SUGCT: variants seen among roughly 807,000 people sequenced by gnomAD.
The protein encoded by SUGCT is succinyl-CoA:glutarate CoA-transferase.
SUGCT carries 41 observed loss-of-function variants against 55.0 expected under a neutral mutation model. That is an observed-to-expected ratio of 0.74 (90% CI 0.58 to 0.97). The LOEUF is 0.97. Ranked by LOEUF, SUGCT falls within the 50% of genes least tolerant of loss-of-function variation. The pLI, the probability that SUGCT is intolerant of heterozygous loss-of-function variation, is 0.00. For missense variants in SUGCT, 568 were observed against 547.8 expected (o/e 1.04, Z -0.37); for synonymous variants, 187 against 200.4 (o/e 0.93, Z 0.56).
chr7:40,650,677 A>G (rs73310238), intron 12 of SUGCT, among the ~76,000 whole-genome samples: 11,789 of 152,232 alleles, frequency 0.077, 509 homozygotes, highest in Middle Eastern at 0.11. Context: ...TTGTTGCCTC[A>G]TATTGCAGAA....
chr7:40,445,880 C>A (rs879508373), intron 9 of SUGCT, among the ~76,000 whole-genome samples: 1 of 152,088 alleles, frequency 6.6e-6, no homozygotes, highest in Non-Finnish European at 1.5e-5. Flanking sequence ...ATTTGATAAT[C>A]TTTAGGCTGA....
chr7:40,674,517 T>A (rs2151875755), intron 12 of SUGCT, among the ~76,000 whole-genome samples: 1 of 152,268 alleles, frequency 6.6e-6, no homozygotes, highest in African/African-American at 2.4e-5. Context: ...ATTTAACAGC[T>A]ACAGAGGAAT....
chr7:40,339,079 A>T (rs576719631), intron 9 of SUGCT, among the ~76,000 whole-genome samples: 18 of 152,276 alleles, frequency 1.2e-4, no homozygotes, highest in African/African-American at 4.3e-4. Context: ...CTGAACAGCA[A>T]ATGTTACTGC....
chr7:40,491,492 TATC>T (rs1791674804), intron 11 of SUGCT, among the ~76,000 whole-genome samples: 1 of 152,260 alleles, frequency 6.6e-6, no homozygotes, highest in Middle Eastern at 3.4e-3. Context: ...GTGGTCATGA[TATC>T]ATGGGGATGC....
chr7:40,420,375 G>C (rs1279622799), intron 9 of SUGCT, among the ~76,000 whole-genome samples: 1 of 152,064 alleles, frequency 6.6e-6, no homozygotes, highest in Non-Finnish European at 1.5e-5. Flanking sequence ...ATCTTACTCT[G>C]TTTCCCAGGC....
the SUGCT span, among the ~76,000 whole-genome samples, chr7:40,931,349 T>C: frequency 1.3e-5 from 2 of 152,202 alleles, no homozygotes; most frequent in African/African-American, 4.8e-5. Context: ...GATTTTCACA[T>C]CAATGTTCAT....
At chr7:40,296,836 C>T (rs1794183744) in intron 8 of SUGCT, among the ~76,000 whole-genome samples, 1 of 151,868 alleles carries the variant, frequency 6.6e-6, no homozygotes, top group South Asian at 2.1e-4. Context: ...GGTAACCATC[C>T]TATATAGGCC....
At chr7:40,893,579 G>A in the SUGCT span, among the ~76,000 whole-genome samples, 3 of 151,994 alleles carry the variant, frequency 2.0e-5, no homozygotes, top group African/African-American at 7.3e-5. Context: ...ATATTAAAGA[G>A]CATGCTAGTG....
chr7:40,550,669 A>T (rs149620254), intron 12 of SUGCT, among the ~76,000 whole-genome samples: 207 of 152,368 alleles, frequency 1.4e-3, no homozygotes, highest in African/African-American at 4.8e-3. Flanking sequence ...CTAAATAATT[A>T]TTTGAACAGT....
intron 7 of SUGCT, among the ~76,000 whole-genome samples, chr7:40,240,169 T>C (rs544373815): frequency 6.6e-6 from 1 of 152,230 alleles, no homozygotes; most frequent in African/African-American, 2.4e-5. Flanking sequence ...GTTTGACAGC[T>C]AAAGATAAAA....
At chr7:40,348,557 A>G (rs1328990157) in intron 9 of SUGCT, among the ~76,000 whole-genome samples, 3 of 152,128 alleles carry the variant, frequency 2.0e-5, no homozygotes, top group African/African-American at 7.2e-5. Flanking sequence ...CAAGTCTGTG[A>G]GCCAATACAC....
intron 1 of SUGCT, among the ~76,000 whole-genome samples, chr7:40,143,845 A>G (rs1788109654): frequency 6.6e-6 from 1 of 152,224 alleles, no homozygotes; most frequent in Admixed American, 6.5e-5. Context: ...CCCCCATACC[A>G]TAAAACTGGC....
intron 6 of SUGCT, among the ~76,000 whole-genome samples, chr7:40,223,718 T>C (rs1382259928): frequency 6.6e-6 from 1 of 152,236 alleles, no homozygotes; most frequent in Admixed American, 6.5e-5. Flanking sequence ...TACTGGATTT[T>C]ATTTACTATC....
At chr7:40,161,481 C>T (rs1784144152) in intron 1 of SUGCT, among the ~76,000 whole-genome samples, 1 of 152,174 alleles carries the variant, frequency 6.6e-6, no homozygotes, top group Non-Finnish European at 1.5e-5. Flanking sequence ...TATAATTCTC[C>T]TTAAGTACCT....
the SUGCT span, among the ~76,000 whole-genome samples, chr7:40,968,520 A>G: frequency 6.6e-6 from 1 of 152,206 alleles, no homozygotes; most frequent in African/African-American, 2.4e-5. Context: ...ATGCAGTGCA[A>G]TGACTGTACA....
At chr7:40,665,177 G>A (rs1801552123) in intron 12 of SUGCT, among the ~76,000 whole-genome samples, 2 of 151,048 alleles carry the variant, frequency 1.3e-5, no homozygotes, top group Non-Finnish European at 3.0e-5. Flanking sequence ...GGTGGCTCAG[G>A]CCTGTAATCC....
At chr7:40,926,066 A>T in the SUGCT span, among the ~76,000 whole-genome samples, 2 of 151,794 alleles carry the variant, frequency 1.3e-5, no homozygotes, top group East Asian at 1.9e-4. Flanking sequence ...ACGCCACTGC[A>T]CTCCAGCCTG....
chr7:40,512,437 A>G (rs1792979577), intron 12 of SUGCT, among the ~76,000 whole-genome samples: 1 of 152,224 alleles, frequency 6.6e-6, no homozygotes, highest in African/African-American at 2.4e-5. Context: ...AATACTTTAG[A>G]TAGAGTGCTG....
chr7:40,954,671 G>A, the SUGCT span, among the ~76,000 whole-genome samples: 1 of 152,154 alleles, frequency 6.6e-6, no homozygotes, highest in Admixed American at 6.5e-5. Context: ...TTTGGCTTTT[G>A]TTGCCATTGG....
Sources: allele counts gnomAD v4.1 joint callset (sites outside exome capture counted in the v4.1 genomes callset), GRCh38; gene constraint gnomAD v4.1.1; transcripts MANE v1.5; gene names NCBI Gene and HGNC (gene_info 2026-07-23, HGNC 2026-07-21).